KANSL1: variants seen among roughly 807,000 people sequenced by gnomAD.
KANSL1 encodes MLL1/MLL complex subunit KANSL1.
Under a neutral mutation model 103.6 loss-of-function variants are expected in KANSL1, and 22 were observed. The observed-to-expected ratio is 0.21, with a 90% CI of 0.15 to 0.30. The LOEUF (loss-of-function observed/expected upper bound fraction) is 0.30. KANSL1 is among the 10% of genes least tolerant of loss of function. The pLI is 1.00. For synonymous variants in KANSL1, 600 were observed against 527.6 expected (o/e 1.14, Z -1.88); for missense variants, 1,337 against 1,399.8 (o/e 0.96, Z 0.72).
chr17:46,066,409 T>C lies in KANSL1; in HGVS notation c.1848+128A>G, dbSNP rs117095393. The C allele has an allele frequency of 8.5e-4, 599 of 702,070 alleles. 4 individuals are homozygous for C. The East Asian group carries it at 0.014, about 16-fold the overall frequency. The allele number at this position is 702,070 out of a possible 1,614,324, so 43.5% of individuals were successfully genotyped here. A position where few individuals can be genotyped will look rare whatever the true frequency, so the allele number is the denominator to read the frequency against. ...CAAACAGGGCCCAGGAACCTAGTAT[T>C]TTATAAAGCTCCCCAGAAGACCTTG... On this transcript the variant is annotated intron_variant, in intron 6 of 14. Coordinates refer to ENST00000432791, the MANE Select transcript of KANSL1 (RefSeq NM_015443.4).
chr17:46,167,816 C>T (rs753091897), intron 2 of KANSL1, among the ~76,000 whole-genome samples: 1 of 152,190 alleles, frequency 6.6e-6, no homozygotes, highest in African/African-American at 2.4e-5. Flanking sequence ...CATGTACCAA[C>T]GACACAGAAT....
intron 13 of KANSL1, chr17:46,032,528 A>G: frequency 2.3e-6 from 1 of 440,428 alleles, no homozygotes; most frequent in Non-Finnish European, 4.0e-6. Context: ...GTGAGTCCAT[A>G]GCAAAGTGCC....
At chr17:46,150,132 T>C (rs1313802078) in intron 2 of KANSL1, among the ~76,000 whole-genome samples, 1 of 151,458 alleles carries the variant, frequency 6.6e-6, no homozygotes, top group Non-Finnish European at 1.5e-5. Flanking sequence ...TCCATGAGTA[T>C]AATCTTCATT....
intron 2 of KANSL1, among the ~76,000 whole-genome samples, chr17:46,105,719 A>G (rs1249142031): frequency 2.0e-5 from 3 of 152,112 alleles, no homozygotes; most frequent in Admixed American, 1.3e-4. Flanking sequence ...AAAAATACAA[A>G]AATTAGCCGG....
At chr17:46,152,594 G>A (rs2532301) in intron 2 of KANSL1, among the ~76,000 whole-genome samples, 11,910 of 135,326 alleles carry the variant, frequency 0.088, 128 homozygotes, top group Middle Eastern at 0.17. Flanking sequence ...GGGGGGGGGG[G>A]ATTTCAGAGA....
At chr17:46,204,561 A>G (rs2047903739) in intron 1 of KANSL1, among the ~76,000 whole-genome samples, 1 of 152,246 alleles carries the variant, frequency 6.6e-6, no homozygotes, top group Non-Finnish European at 1.5e-5. Context: ...AGTTCAACCA[A>G]AATTAGTCCA....
At chr17:46,049,218 T>A (rs1005105687) in intron 7 of KANSL1, among the ~76,000 whole-genome samples, 1 of 151,676 alleles carries the variant, frequency 6.6e-6, no homozygotes, top group African/African-American at 2.4e-5. Context: ...TCTCTTTATT[T>A]GTTGTCCCCA....
chr17:46,128,059 T>C (rs1183988370), intron 2 of KANSL1, among the ~76,000 whole-genome samples: 1 of 152,130 alleles, frequency 6.6e-6, no homozygotes, highest in Non-Finnish European at 1.5e-5. Flanking sequence ...CAAGTGATGC[T>C]CCTGCCTGGG....
intron 1 of KANSL1, among the ~76,000 whole-genome samples, chr17:46,183,318 A>G (rs1440437836): frequency 6.6e-6 from 1 of 152,050 alleles, no homozygotes; most frequent in East Asian, 2.0e-4. Context: ...GGTAGCTCAC[A>G]CTTATAAGCC....
chr17:46,036,073 A>T (rs2077141233), intron 10 of KANSL1: 1 of 151,750 alleles, frequency 6.6e-6, no homozygotes, highest in Non-Finnish European at 1.5e-5. Flanking sequence ...TCTTTTATAA[A>T]ATCAGAATTT....
chr17:46,164,298 T>C (rs2532286), intron 2 of KANSL1, among the ~76,000 whole-genome samples: 21,948 of 152,260 alleles, frequency 0.14, 2,134 homozygotes, highest in Non-Finnish European at 0.22. Flanking sequence ...CCTAAGTTCC[T>C]TTCTTCAGAA....
chr17:46,170,507 A>G (rs1043683946), intron 2 of KANSL1: 1 of 287,486 alleles, frequency 3.5e-6, no homozygotes, highest in Non-Finnish European at 6.1e-6. Flanking sequence ...CTCAACAATC[A>G]GGCCATTAAC....
At chr17:46,089,753 G>C (rs2079309792) in intron 3 of KANSL1, among the ~76,000 whole-genome samples, 1 of 152,116 alleles carries the variant, frequency 6.6e-6, no homozygotes, top group Admixed American at 6.6e-5. Context: ...CACTCACTTG[G>C]ATGTGTAACC....
At chr17:46,121,021 CCT>C (rs1419453967) in intron 2 of KANSL1, among the ~76,000 whole-genome samples, 1 of 152,180 alleles carries the variant, frequency 6.6e-6, no homozygotes, top group Non-Finnish European at 1.5e-5. Context: ...AAAATTCCTT[CCT>C]CTTTTATAAC....
At chr17:46,123,520 T>C (rs910198349) in intron 2 of KANSL1, among the ~76,000 whole-genome samples, 4 of 152,076 alleles carry the variant, frequency 2.6e-5, no homozygotes, top group Non-Finnish European at 4.4e-5. Context: ...TTGGAGAAAA[T>C]TTAAAAAGTG....
intron 1 of KANSL1, among the ~76,000 whole-genome samples, chr17:46,217,900 A>ACC (rs1193344160): frequency 2.0e-5 from 3 of 151,126 alleles, no homozygotes; most frequent in Non-Finnish European, 4.4e-5. Flanking sequence ...GTGACACGTG[A>ACC]CTGTAATCCC....
chr17:46,110,244 T>C (rs1382698310), intron 2 of KANSL1, among the ~76,000 whole-genome samples: 1 of 152,224 alleles, frequency 6.6e-6, no homozygotes, highest in Non-Finnish European at 1.5e-5. Context: ...ACAGTAGTCA[T>C]ATAATAAGAA....
At chr17:46,193,684 C>T (rs754724579), upstream of KANSL1, 27 of 302,376 alleles carry the variant, frequency 8.9e-5, no homozygotes, top group Middle Eastern at 1.2e-3. Context: ...CCCGGACGTG[C>T]GGCGACGGCA....
intron 2 of KANSL1, among the ~76,000 whole-genome samples, chr17:46,095,850 A>G (rs1480682537): frequency 6.6e-6 from 1 of 152,216 alleles, no homozygotes; most frequent in East Asian, 1.9e-4. Flanking sequence ...AGACAATCTT[A>G]ACAGAAATAG....
Sources: gnomAD v4.1 joint callset for allele counts (sites outside exome capture counted in the v4.1 genomes callset) on GRCh38, gnomAD v4.1.1 for gene constraint, MANE v1.5 for transcripts, NCBI Gene and HGNC (gene_info 2026-07-23, HGNC 2026-07-21) for gene names.